Variants in ARSG observed in about 807,000 individuals in gnomAD.
The protein encoded by ARSG is ASG.
ARSG carries 37 observed loss-of-function variants against 50.5 expected under a neutral mutation model. The ratio of observed to expected loss-of-function variants is 0.73; its 90% CI spans 0.56 to 0.96. The LOEUF (loss-of-function observed/expected upper bound fraction) is 0.96. Among genes scored for constraint, ARSG ranks in the 50% least tolerant of loss-of-function variants. The probability of loss-of-function intolerance (pLI) is 0.00; values close to 1 mark genes in which losing one functional copy is unlikely to be tolerated. For synonymous variants in ARSG, 225 were observed against 254.6 expected, an observed-to-expected ratio of 0.88 and a Z score of 1.11; for missense variants, 629 against 675.3, an observed-to-expected ratio of 0.93 and a Z score of 0.76.
At chr17:68,429,791 G>C in the ARSG span, among the ~76,000 whole-genome samples, 4 of 152,118 alleles carry the variant, frequency 2.6e-5, no homozygotes, top group African/African-American at 4.8e-5. Flanking sequence ...ATTTCACCAC[G>C]TTGGCCAGGC....
chr17:68,295,958 G>T, intron 1 of ARSG, among the ~76,000 whole-genome samples: 1 of 151,914 alleles, frequency 6.6e-6, no homozygotes, highest in East Asian at 1.9e-4. Flanking sequence ...GGGATTATAG[G>T]CATGAGCCAC....
At chr17:68,447,110 C>T in the ARSG span, among the ~76,000 whole-genome samples, 1 of 152,192 alleles carries the variant, frequency 6.6e-6, no homozygotes. Context: ...TAAGCAATAA[C>T]TCCTTTTATC....
intron 1 of ARSG, among the ~76,000 whole-genome samples, chr17:68,273,581 T>C (rs958055010): frequency 2.0e-5 from 3 of 152,190 alleles, no homozygotes; most frequent in Non-Finnish European, 4.4e-5. Context: ...CATGTTGCAC[T>C]TCCCCTACAG....
chr17:68,437,014 A>ATGTGTGTGTGTGTGTG, the ARSG span, among the ~76,000 whole-genome samples: 7 of 82,090 alleles, frequency 8.5e-5, no homozygotes, highest in East Asian at 2.4e-4. Flanking sequence ...AAATATATAT[A>ATGTGTGTGTGTGTGTG]TATGTGTGTG....
At chr17:68,279,876 A>G (rs1555752173) in intron 1 of ARSG, among the ~76,000 whole-genome samples, 1 of 152,164 alleles carries the variant, frequency 6.6e-6, no homozygotes, top group African/African-American at 2.4e-5. Flanking sequence ...ATGGCAACCA[A>G]CTTCAAGTTT....
chr17:68,431,600 G>C, the ARSG span, among the ~76,000 whole-genome samples: 1 of 148,970 alleles, frequency 6.7e-6, no homozygotes, highest in African/African-American at 2.5e-5. Flanking sequence ...AGATGATATA[G>C]GATGGACTGG....
At position 68,367,049 on chromosome 17, in the gene ARSG, T is replaced by C. The variant is rs1374630060; in HGVS notation, c.705-1499T>C. On this transcript the variant is annotated intron_variant, in intron 6 of 11. Coordinates refer to ENST00000621439, the MANE Select transcript of ARSG (RefSeq NM_001267727.2). This position sits in a 1 kb window ranked among gnomAD's most constrained non-coding sequence, Gnocchi z 4.5. ...GCATAATATTTTCCGGGTCCACCCATGTGCTAGCGTGTGGGCCATGGAACT... is the reference window on the plus strand; with the variant it reads ...GCATAATATTTTCCGGGTCCACCCACGTGCTAGCGTGTGGGCCATGGAACT... 6.6e-6 allele frequency among the ~76,000 whole-genome samples: 1 copy of C among 152,238 alleles called. No homozygotes were observed. Among genetic ancestry groups the C allele is most frequent in the East Asian group, 1.9e-4 (1 of 5,198 alleles).
intron 10 of ARSG, among the ~76,000 whole-genome samples, chr17:68,400,880 C>T (rs2081442350): frequency 6.6e-6 from 1 of 152,176 alleles, no homozygotes; most frequent in Admixed American, 6.5e-5. Flanking sequence ...AAAATAACAA[C>T]TTCACAGGCT....
At chr17:68,344,116 A>C (rs1168809402) in intron 3 of ARSG, among the ~76,000 whole-genome samples, 2 of 152,146 alleles carry the variant, frequency 1.3e-5, no homozygotes, top group Non-Finnish European at 2.9e-5. Context: ...GTTTGTCCTC[A>C]TGCTCACTGC....
Position 68,386,267 on chromosome 17 carries a change from C to T in ARSG, c.1091+1095C>T, listed in dbSNP as rs1291575292. 2.6e-5 allele frequency among the ~76,000 whole-genome samples: 4 copies of T among 152,200 alleles called. No homozygotes were observed. The East Asian group carries it at 7.7e-4, about 29-fold the overall frequency. ...AACAAGGGGAACCCTCCGTAGAACC[C>T]TGTGCTCATTCATGTGCTCAGAAAA... On this transcript the variant is annotated intron_variant, in intron 9 of 11. Transcript: ENST00000621439.
At chr17:68,350,105 C>T (rs2078691423) in intron 4 of ARSG, among the ~76,000 whole-genome samples, 1 of 152,148 alleles carries the variant, frequency 6.6e-6, no homozygotes, top group African/African-American at 2.4e-5. Flanking sequence ...TAGGAAACTT[C>T]ACACTCAAAC....
intron 2 of ARSG, among the ~76,000 whole-genome samples, chr17:68,334,760 G>A (rs944682243): frequency 2.6e-5 from 4 of 152,132 alleles, no homozygotes; most frequent in East Asian, 1.9e-4. Flanking sequence ...CCTCTGCAAC[G>A]TGATGGTCTC....
downstream of ARSG, chr17:68,426,126 A>AAC: frequency 6.2e-7 from 1 of 1,611,834 alleles, no homozygotes; most frequent in Non-Finnish European, 8.5e-7. Flanking sequence ...TCGCAAACTC[A>AAC]TGTTCAGGAA....
intron 1 of ARSG, among the ~76,000 whole-genome samples, chr17:68,297,873 T>C (rs1233192231): frequency 6.6e-6 from 1 of 152,060 alleles, no homozygotes; most frequent in Non-Finnish European, 1.5e-5. Flanking sequence ...AGAGATGGAC[T>C]AACAGTAGCC....
rs540513207 is a variant in ARSG, at chr17:68,356,559, G to A, written c.567-108G>A. 9.6e-5 allele frequency: 126 copies of A among 1,308,340 alleles called. No homozygotes were observed. The South Asian group carries it at 1.6e-3, about 16-fold the overall frequency. The allele number at this position is 1,308,340 out of a possible 1,614,324, so 81.0% of individuals were successfully genotyped here. On this transcript the variant is annotated intron_variant, in intron 5 of 11. Coordinates refer to ENST00000621439, the MANE Select transcript of ARSG (RefSeq NM_001267727.2). ...TGGCCAACCAGAAAAATCATTTGGG[G>A]CCAGAGTGTTGTATTTATGTGCATA...
At chr17:68,286,010 C>T (rs2041129) in intron 1 of ARSG, among the ~76,000 whole-genome samples, 95,491 of 151,984 alleles carry the variant, frequency 0.63, 30,931 homozygotes, top group African/African-American at 0.79. Context: ...CCACCCACCT[C>T]GGCCTCCCAA....
chr17:68,298,311 C>T (rs1194398226), intron 1 of ARSG, among the ~76,000 whole-genome samples: 1 of 151,922 alleles, frequency 6.6e-6, no homozygotes, highest in African/African-American at 2.4e-5. Context: ...TAATAAAATA[C>T]CATGGACTAG....
chr17:68,372,877 ATTTT>A (rs55668215), intron 8 of ARSG, among the ~76,000 whole-genome samples: 616 of 92,780 alleles, frequency 6.6e-3, no homozygotes, highest in African/African-American at 0.013. Context: ...GGAAATGCTG[ATTTT>A]TTTTTTTTTT....
the ARSG span, among the ~76,000 whole-genome samples, chr17:68,443,962 A>G: frequency 6.6e-6 from 1 of 152,354 alleles, no homozygotes; most frequent in South Asian, 2.1e-4. Flanking sequence ...TACACCAGGA[A>G]TGTATTAAAT....
Sources: allele counts gnomAD v4.1 joint callset (sites outside exome capture counted in the v4.1 genomes callset), GRCh38; gene constraint gnomAD v4.1.1; non-coding constraint Gnocchi (gnomAD v3.1); transcripts MANE v1.5; gene names NCBI Gene and HGNC (gene_info 2026-07-23, HGNC 2026-07-21).